The following SMURF2 variants were observed in gnomAD, a reference collection of about 807,000 sequenced individuals.
The protein encoded by SMURF2 is E3 ubiquitin-protein ligase SMURF2.
A neutral mutation model predicts 109.6 loss-of-function variants in SMURF2; 48 were observed. The observed-to-expected ratio is 0.44, with a 90% CI of 0.35 to 0.56. SMURF2 has a LOEUF of 0.56. Ranked by LOEUF, SMURF2 falls within the 20% of genes least tolerant of loss-of-function variation. The pLI, the probability that SMURF2 is intolerant of heterozygous loss-of-function variation, is 0.01. For synonymous variants in SMURF2, 288 were observed against 317.1 expected, an observed-to-expected ratio of 0.91 and a Z score of 0.97; for missense variants, 575 against 909.0, an observed-to-expected ratio of 0.63 and a Z score of 4.72.
chr17:64,578,868 TA>T (rs1969537286), intron 8 of SMURF2, among the ~76,000 whole-genome samples: 2 of 152,128 alleles, frequency 1.3e-5, no homozygotes, highest in Admixed American at 6.5e-5. Context: ...TACTAATAAC[TA>T]AAAAATTTTA....
intron 12 of SMURF2, chr17:64,560,744 T>C (rs1969201077): frequency 6.6e-6 from 1 of 150,762 alleles, no homozygotes. Flanking sequence ...GCAGATTGTT[T>C]GAGCTCAGAA....
chr17:64,565,006 G>T (rs1969279799), intron 10 of SMURF2, among the ~76,000 whole-genome samples: 1 of 152,158 alleles, frequency 6.6e-6, no homozygotes, highest in African/African-American at 2.4e-5. Flanking sequence ...TGGTTTCATG[G>T]TGTATATCAA....
intron 1 of SMURF2, among the ~76,000 whole-genome samples, chr17:64,646,602 C>T (rs752254902): frequency 2.6e-5 from 4 of 151,104 alleles, no homozygotes; most frequent in African/African-American, 7.3e-5. Flanking sequence ...AGGCTGGTCT[C>T]GAATTCATGA....
Position 64,606,610 on chromosome 17 carries a change from T to A in SMURF2, c.83A>T (p.Asp28Val). The change falls in exon 2 of 19, where the codon GAT (aspartate) becomes GTT (valine). Residue 28 changes from aspartate (D) to valine (V), a missense_variant. Asp to Val is a radical substitution (Grantham distance 152). Transcript: ENST00000262435. ...VLCAKNLVKK[D>V]FFRLPDPFAK... is the part of the protein sequence containing the mutation. ...AAAGTTAATTTACTTACGGAAAAAA[T>A]CCTTTTTCACCAGGTTTTTTGCACA... 1 of 1,543,160 alleles carries A rather than the reference T, an allele frequency of 6.5e-7. No homozygotes were observed. The highest frequency in any genetic ancestry group is 8.8e-7 in the Non-Finnish European group (1 of 1,138,456).
rs782804196 is a variant in SMURF2 at position 64,545,801 on chromosome 17, C to T, written c.*47G>A. The T allele has an allele frequency of 8.6e-6, 8 of 926,236 alleles. No individual in the cohort carries two copies. The highest frequency in any genetic ancestry group is 1.4e-5 in the Non-Finnish European group (8 of 590,218). 57.4% of individuals were successfully genotyped at this position (926,236 alleles called of 1,614,324 possible). ...TGAAACTCTGCTGAAAGGAGGCTGT[C>T]AGTCAGGGTTGTATAAATAGAGTCC... On this transcript the variant is annotated 3_prime_UTR_variant, in exon 19 of 19. Coordinates refer to ENST00000262435, the MANE Select transcript of SMURF2 (RefSeq NM_022739.4).
At chr17:64,566,587 T>TTTTTTG (rs1969314614) in intron 10 of SMURF2, among the ~76,000 whole-genome samples, 1 of 119,996 alleles carries the variant, frequency 8.3e-6, no homozygotes, top group South Asian at 3.1e-4. Context: ...TTTTTTTTTT[T>TTTTTTG]TTTTGAGACA....
Position 64,600,219 on chromosome 17 carries a change from G to A in SMURF2, c.92-1729C>T, listed in dbSNP as rs189547433. Among the ~76,000 whole-genome samples, 6 of 152,240 alleles carry A rather than the reference G, an allele frequency of 3.9e-5. No homozygotes were observed. The East Asian group carries it at 1.2e-3, about 29-fold the overall frequency. ...GAAAGGGAAAGGAAATGACAAGAGA[G>A]CTATTCTGAAAGATCTAATACAAAT... On this transcript the variant is annotated intron_variant, in intron 2 of 18. Coordinates refer to ENST00000262435, the MANE Select transcript of SMURF2 (RefSeq NM_022739.4).
At chr17:64,580,649 A>G (rs182607135) in intron 8 of SMURF2, 140 bp downstream of exon 8, 1 of 828,812 alleles carries the variant, frequency 1.2e-6, no homozygotes, top group African/African-American at 1.7e-5. Context: ...AAGACTTTTC[A>G]AAGTTGGGAG....
At chr17:64,582,623 G>A (rs749106850) in intron 7 of SMURF2, among the ~76,000 whole-genome samples, 12 of 152,130 alleles carry the variant, frequency 7.9e-5, no homozygotes, top group Non-Finnish European at 2.9e-5. Flanking sequence ...TTTTGAGACT[G>A]AGTCTCGCTC....
chr17:64,652,821 G>C (rs185637111), intron 1 of SMURF2, among the ~76,000 whole-genome samples: 1 of 151,662 alleles, frequency 6.6e-6, no homozygotes, highest in Non-Finnish European at 1.5e-5. Context: ...TTCAATGGAG[G>C]AAACAAAAGT....
chr17:64,587,228 G>A (rs1416543186), intron 5 of SMURF2, among the ~76,000 whole-genome samples: 1 of 151,936 alleles, frequency 6.6e-6, no homozygotes, highest in Non-Finnish European at 1.5e-5. Context: ...CTAGCAAGAG[G>A]GCCATCCTGG....
At chr17:64,593,222 C>A (rs1969772838) in intron 4 of SMURF2, 1 of 247,698 alleles carries the variant, frequency 4.0e-6, no homozygotes, top group Non-Finnish European at 7.2e-6. Flanking sequence ...TTTTTTAAGT[C>A]TACAAAATAA....
intron 1 of SMURF2, among the ~76,000 whole-genome samples, chr17:64,617,135 A>G (rs1970137552): frequency 6.6e-6 from 1 of 151,526 alleles, no homozygotes; most frequent in South Asian, 2.1e-4. Flanking sequence ...ACACAGGTTC[A>G]CAAAACGGTT....
At position 64,640,326 on chromosome 17, in the gene SMURF2, A is replaced by T. The variant is rs1408915910; in HGVS notation, c.52+21503T>A. ...ACAACTGACACAGAAAAATAAGAAG[A>T]AACAAGAGAAAGAAAATTCCTTCAA... On this transcript the variant is annotated intron_variant, in intron 1 of 18. Transcript: ENST00000262435. Among the ~76,000 whole-genome samples, 4 of 152,200 alleles carry T rather than the reference A, an allele frequency of 2.6e-5. No homozygotes were observed. The East Asian group carries it at 7.7e-4, about 29-fold the overall frequency.
chr17:64,557,847 TAC>T (rs1555684177), intron 12 of SMURF2, 125 bp from the exon 13 acceptor site: 2 of 560,510 alleles, frequency 3.6e-6, no homozygotes, highest in African/African-American at 3.8e-5. Context: ...AAGCACTAAC[TAC>T]AGTTATATAA....
intron 1 of SMURF2, among the ~76,000 whole-genome samples, chr17:64,609,143 C>T (rs2144679086): frequency 6.6e-6 from 1 of 152,288 alleles, no homozygotes; most frequent in Non-Finnish European, 1.5e-5. Flanking sequence ...AATGGAAAAA[C>T]ATTCCATGTT....
intron 5 of SMURF2, among the ~76,000 whole-genome samples, chr17:64,590,108 T>C (rs1969728790): frequency 6.6e-6 from 1 of 151,792 alleles, no homozygotes; most frequent in African/African-American, 2.4e-5. Flanking sequence ...TTCTGTTCTA[T>C]CATGAAGTGT....
At chr17:64,571,661 C>T (rs12449291) in intron 10 of SMURF2, 137 bp downstream of exon 10, 2 of 859,076 alleles carry the variant, frequency 2.3e-6, no homozygotes, top group Non-Finnish European at 3.5e-6. Context: ...TCAAGTGATC[C>T]TGCTGCCACG....
chr17:64,543,972 C>A lies in SMURF2; in HGVS notation c.*1876G>T, dbSNP rs1968910770. On this transcript the variant is annotated 3_prime_UTR_variant, in exon 19 of 19. Transcript: ENST00000262435. ...GAAAAAGGTAGGCATAAGCATATTACCACTGCACAGTTACAACTATGACTA... is the reference window on the plus strand; with the variant it reads ...GAAAAAGGTAGGCATAAGCATATTAACACTGCACAGTTACAACTATGACTA... 6.6e-6 allele frequency: 1 copy of A among 152,204 alleles called. No homozygotes were observed. Among genetic ancestry groups the A allele is most frequent in the Admixed American group, 6.5e-5 (1 of 15,274 alleles). The allele number at this position is 152,204 out of a possible 1,614,324, so 9.4% of individuals were successfully genotyped here.
Sources: gnomAD v4.1 joint callset for allele counts (sites outside exome capture counted in the v4.1 genomes callset) on GRCh38, gnomAD v4.1.1 for gene constraint, MANE v1.5 for transcripts, NCBI Gene and HGNC (gene_info 2026-07-23, HGNC 2026-07-21) for gene names.